The following NOD1 variants were observed in gnomAD, a reference collection of about 807,000 sequenced individuals.
The protein encoded by NOD1 is nucleotide binding oligomerization domain containing 1.
In NOD1, 70 loss-of-function variants were observed where a neutral mutation model predicts 81.2. That is an observed-to-expected ratio of 0.86 (90% confidence interval 0.71 to 1.05). NOD1 has a LOEUF of 1.05. Ranked by LOEUF, NOD1 falls within the 50% of genes least tolerant of loss-of-function variation. NOD1 has a pLI of 0.00. For synonymous variants in NOD1, 508 were observed against 526.9 expected, an observed-to-expected ratio of 0.96 and a Z score of 0.49; for missense variants, 1,233 against 1,228.0, an observed-to-expected ratio of 1.00 and a Z score of -0.06.
chr7:30,434,718 CA>C (rs2128000834), intron 11 of NOD1, among the ~76,000 whole-genome samples: 1 of 152,006 alleles, frequency 6.6e-6, no homozygotes, highest in Non-Finnish European at 1.5e-5. Flanking sequence ...ACATTTTTTC[CA>C]AAAAACATAA....
intron 5 of NOD1, 130 bp downstream of exon 5, chr7:30,455,007 C>T: frequency 1.1e-6 from 1 of 880,356 alleles, no homozygotes; most frequent in Non-Finnish European, 1.8e-6. Context: ...TTCAGCTGTT[C>T]CTTTCTAAAA....
chr7:30,466,890 C>T (rs1583861712), intron 1 of NOD1, among the ~76,000 whole-genome samples: 1 of 152,198 alleles, frequency 6.6e-6, no homozygotes, highest in South Asian at 2.1e-4. Context: ...GCAGGACATG[C>T]ACCTTCTTTA....
In NOD1 at chr7:30,425,572, CT is replaced by C; in HGVS notation, c.*65del. ...CCCTTTAAGACACTGACACAAAAGA[CT>C]GCCCAGAGTGGCATTTGCTGCTGAG... On this transcript the variant is annotated 3_prime_UTR_variant, in exon 14 of 14. Coordinates refer to ENST00000222823, the MANE Select transcript of NOD1 (RefSeq NM_006092.4). 1 of 1,170,292 alleles carries C rather than the reference CT, an allele frequency of 8.5e-7. No homozygotes were observed. Among genetic ancestry groups the C allele is most frequent in the Non-Finnish European group, 1.3e-6 (1 of 774,730 alleles). 72.5% of individuals were successfully genotyped at this position (1,170,292 alleles called of 1,614,324 possible). A position where few individuals can be genotyped will look rare whatever the true frequency, so the allele number is the denominator to read the frequency against.
chr7:30,450,642 A>C (rs1785594236), intron 6 of NOD1, among the ~76,000 whole-genome samples: 1 of 152,208 alleles, frequency 6.6e-6, no homozygotes, highest in Non-Finnish European at 1.5e-5. Context: ...CAACTGGCAC[A>C]AGGTCTGCTT....
At chr7:30,439,324 C>G (rs1442473189) in intron 9 of NOD1, among the ~76,000 whole-genome samples, 2 of 140,772 alleles carry the variant, frequency 1.4e-5, no homozygotes, top group Admixed American at 6.8e-5. Flanking sequence ...CGGGTGATTT[C>G]TGCATTTCCA....
intron 8 of NOD1, 124 bp downstream of exon 8, chr7:30,446,843 C>T (rs1785145348): frequency 9.2e-6 from 7 of 763,948 alleles, no homozygotes; most frequent in South Asian, 1.8e-5. Context: ...ACTTGACCAA[C>T]ATGGCCCTGG....
At chr7:30,455,038 G>T in intron 5 of NOD1, 99 bp downstream of exon 5, 2 of 1,177,136 alleles carry the variant, frequency 1.7e-6, no homozygotes, top group Non-Finnish European at 2.4e-6. Context: ...ACCTGGGCCT[G>T]CTTCCTGAGG....
rs565051836 is a variant in NOD1, at chr7:30,430,223, G to A, written c.2706-766C>T. Among the ~76,000 whole-genome samples the A allele has an allele frequency of 5.3e-5, 8 of 152,292 alleles. No individual in the cohort carries two copies. In the East Asian group the frequency reaches 1.2e-3, roughly 22 times the overall value. On this transcript the variant is annotated intron_variant, in intron 12 of 13. Transcript: ENST00000222823. ...AATAGTTCTCATGAATAGTTCTCAT[G>A]GGGCTCAGTGGAAAAGCTTTAATAA...
At position 30,453,047 on chromosome 7, in the gene NOD1, G is replaced by A. The variant is rs529163888; in HGVS notation, c.377-7C>T. On this transcript the variant is annotated splice_region_variant and splice_polypyrimidine_tract_variant and intron_variant, in intron 5 of 13. Transcript: ENST00000222823. ...TGCTGGGTATACCTGCTCACTGGAG[G>A]GAGGGGGTGGCAGGGCACAGCAGCA... The A allele has an allele frequency of 6.3e-7, 1 of 1,593,600 alleles. No individual in the cohort carries two copies. The highest frequency in any genetic ancestry group is 1.7e-5 in the Admixed American group (1 of 59,322).
At chr7:30,446,474 C>G (rs1262050399) in intron 8 of NOD1, 3 of 521,184 alleles carry the variant, frequency 5.8e-6, no homozygotes, top group South Asian at 4.4e-5. Context: ...TGAGCCCTCC[C>G]TGGGGTCCTC....
chr7:30,447,187 G>A, intron 7 of NOD1, 137 bp from the exon 8 acceptor site: 1 of 1,460,378 alleles, frequency 6.8e-7, no homozygotes, highest in Non-Finnish European at 9.4e-7. Context: ...CAGAGTTTAG[G>A]GCTCTGAGGT....
intron 1 of NOD1, among the ~76,000 whole-genome samples, chr7:30,465,555 T>C (rs973517619): frequency 5.9e-5 from 9 of 152,136 alleles, no homozygotes; most frequent in African/African-American, 1.9e-4. Flanking sequence ...TGGGGCCAGA[T>C]TGAGAACAGA....
At position 30,451,170 on chromosome 7, in the gene NOD1, T is replaced by C. The variant is rs1785654371; in HGVS notation, c.2201+46A>G. ...TGCCATTCCCGATGCCCTCCGAGCCTGGCCCGCCCGGCCCACCTGTTGCTC... is the reference window on the plus strand; with the variant it reads ...TGCCATTCCCGATGCCCTCCGAGCCCGGCCCGCCCGGCCCACCTGTTGCTC... On this transcript the variant is annotated intron_variant, in intron 6 of 13. Coordinates refer to ENST00000222823, the MANE Select transcript of NOD1 (RefSeq NM_006092.4). The surrounding 1 kb of genome is among the most constrained non-coding windows in gnomAD (Gnocchi z 4.2). 1.9e-6 allele frequency: 3 copies of C among 1,585,124 alleles called. No individual in the cohort carries two copies. The highest frequency in any genetic ancestry group is 1.2e-5 in the South Asian group (1 of 86,830).
Position 30,451,757 on chromosome 7 carries a change from C to A in NOD1, c.1660G>T (p.Ala554Ser). ...FQEWMPPAGA[A>S]TTSCYPPFLP... ...AAGGGAGGATAGCAGGACGTGGTCG[C>A]TGCCCCCGCAGGGGGCATCCACTCC... The change falls in exon 6 of 14, where the codon GCG becomes TCG. Residue 554 changes from alanine to serine, a missense_variant. Transcript: ENST00000222823. This position sits in a 1 kb window ranked among gnomAD's most constrained non-coding sequence, Gnocchi z 4.2. The A allele has an allele frequency of 6.2e-7, 1 of 1,613,682 alleles. No individual in the cohort carries two copies. Among genetic ancestry groups the A allele is most frequent in the Non-Finnish European group, 8.5e-7 (1 of 1,179,978 alleles).
In NOD1 at chr7:30,451,225, G is replaced by T. The variant is rs1475707564; in HGVS notation, c.2192C>A (p.Thr731Asn). The change falls in exon 6 of 14, where the codon ACT (threonine) becomes AAT (asparagine). Residue 731 changes from threonine to asparagine, a missense_variant. By Grantham distance (65) the Thr-to-Asn change is moderately conservative. Coordinates refer to ENST00000222823, the MANE Select transcript of NOD1 (RefSeq NM_006092.4). This position sits in a 1 kb window ranked among gnomAD's most constrained non-coding sequence, Gnocchi z 4.2. ...RELQPCFSRLTVLRLSVNQIT... is the reference protein window; with the variant it reads ...RELQPCFSRLNVLRLSVNQIT... ...TGCCTGGCAGCCTCACCTGAGAACA[G>T]TGAGGCGGCTGAAGCAGGGCTGCAG... The T allele has an allele frequency of 6.2e-7, 1 of 1,612,960 alleles. No homozygotes were observed.
At chr7:30,433,804 G>A (rs957947563) in intron 11 of NOD1, among the ~76,000 whole-genome samples, 1 of 151,560 alleles carries the variant, frequency 6.6e-6, no homozygotes, top group Non-Finnish European at 1.5e-5. Flanking sequence ...AGAACAGAAA[G>A]AACATTTAAA....
intron 13 of NOD1, among the ~76,000 whole-genome samples, chr7:30,427,396 G>C (rs961128661): frequency 7.2e-5 from 11 of 152,322 alleles, no homozygotes; most frequent in African/African-American, 2.4e-4. Flanking sequence ...GGCTTACTCT[G>C]TAAGTGTTGG....
rs57429651 is a variant in NOD1, at chr7:30,460,404, CAA to C, written c.-351-365_-351-364del. The C allele has an allele frequency of 1.5e-3, 1,469 of 985,334 alleles. 17 individuals carry two copies. In the African/African-American group the frequency reaches 0.024, roughly 16 times the overall value. 61.0% of individuals were successfully genotyped at this position (985,334 alleles called of 1,614,324 possible). On this transcript the variant is annotated intron_variant, in intron 1 of 13. Transcript: ENST00000222823. Reference sequence around the variant, plus strand: ...AGACGGTCTGGTCCTCTCTTCCAGGCAAAGAGAGGACGGAGATTGGGCTGGGG... The same window carrying C: ...AGACGGTCTGGTCCTCTCTTCCAGGCAGAGAGGACGGAGATTGGGCTGGGG...
intron 1 of NOD1, among the ~76,000 whole-genome samples, chr7:30,466,129 T>A (rs978011656): frequency 6.6e-6 from 1 of 152,226 alleles, no homozygotes; most frequent in Non-Finnish European, 1.5e-5. Flanking sequence ...TATAACTTTA[T>A]GGGTCACAGG....
Sources: gnomAD v4.1 joint callset for allele counts (sites outside exome capture counted in the v4.1 genomes callset) on GRCh38, gnomAD v4.1.1 for gene constraint, Gnocchi (gnomAD v3.1) non-coding constraint, MANE v1.5 for transcripts, NCBI Gene and HGNC (gene_info 2026-07-23, HGNC 2026-07-21) for gene names.